Variants in RIN2 observed in about 807,000 individuals in gnomAD.
RIN2 encodes the protein Ras and Rab interactor 2.
A neutral mutation model predicts 78.0 loss-of-function variants in RIN2; 36 were observed. The observed-to-expected ratio is 0.46, with a 90% CI of 0.35 to 0.61. The LOEUF is 0.61. Ranked by LOEUF, RIN2 falls within the 20% of genes least tolerant of loss-of-function variation. The pLI, the probability that RIN2 is intolerant of heterozygous loss-of-function variation, is 0.00. For missense variants in RIN2, 1,087 were observed against 1,159.7 expected (o/e 0.94, Z 0.91); for synonymous variants, 466 against 466.8 (o/e 1.00, Z 0.02).
chr20:19,860,531 C>T (rs937000153), intron 2 of RIN2, among the ~76,000 whole-genome samples: 1 of 152,080 alleles, frequency 6.6e-6, no homozygotes, highest in Admixed American at 6.5e-5. Flanking sequence ...CCATGTTGGC[C>T]ATACTCGTCT....
chr20:19,974,081 C>T (rs1481415052), intron 8 of RIN2, among the ~76,000 whole-genome samples: 1 of 152,162 alleles, frequency 6.6e-6, no homozygotes, highest in Non-Finnish European at 1.5e-5. Flanking sequence ...TGATGGGACC[C>T]ATGAATGTAG....
intron 3 of RIN2, among the ~76,000 whole-genome samples, chr20:19,913,839 A>C (rs555180224): frequency 6.6e-6 from 1 of 152,208 alleles, no homozygotes; most frequent in African/African-American, 2.4e-5. Flanking sequence ...CCATCAGCGG[A>C]CACTGGGTGC....
intron 3 of RIN2, among the ~76,000 whole-genome samples, chr20:19,924,001 T>A (rs1272518467): frequency 7.8e-6 from 1 of 127,782 alleles, no homozygotes; most frequent in Non-Finnish European, 1.6e-5. Flanking sequence ...CCCACCTTTA[T>A]ACCCCCACCT....
chr20:19,851,320 T>C (rs969514342), intron 2 of RIN2, among the ~76,000 whole-genome samples: 1 of 151,956 alleles, frequency 6.6e-6, no homozygotes, highest in Non-Finnish European at 1.5e-5. Context: ...GGATTTGCAG[T>C]GTCAGGGGTT....
chr20:19,986,621 A>G (rs1016700389), intron 9 of RIN2, among the ~76,000 whole-genome samples: 1 of 152,124 alleles, frequency 6.6e-6, no homozygotes, highest in African/African-American at 2.4e-5. Flanking sequence ...CCAACTTGCT[A>G]GTAACGACTT....
intron 9 of RIN2, among the ~76,000 whole-genome samples, chr20:19,979,541 A>G (rs140683178): frequency 2.0e-5 from 3 of 152,308 alleles, no homozygotes; most frequent in African/African-American, 4.8e-5. Flanking sequence ...TATAGCGCAT[A>G]TAGAAAAGGT....
intron 2 of RIN2, among the ~76,000 whole-genome samples, chr20:19,814,131 A>G (rs972679082): frequency 6.6e-6 from 1 of 152,232 alleles, no homozygotes; most frequent in African/African-American, 2.4e-5. Flanking sequence ...TTATGTTCTT[A>G]CTGGCAAATG....
rs572587228 is a variant in RIN2 at position 19,896,392 on chromosome 20, G to A, written c.57+6734G>A. 5.9e-5 allele frequency among the ~76,000 whole-genome samples: 9 copies of A among 152,254 alleles called. No homozygotes were observed. In the East Asian group the frequency reaches 1.4e-3, roughly 23 times the overall value. Reference sequence around the variant, plus strand: ...TTTAGTAGAGGCGGGGTTTCTCCACGTTGGCCAGGCTGGCCTCCAACTCCT... The same window carrying A: ...TTTAGTAGAGGCGGGGTTTCTCCACATTGGCCAGGCTGGCCTCCAACTCCT... On this transcript the variant is annotated intron_variant, in intron 3 of 12. Coordinates refer to ENST00000255006, the MANE Select transcript of RIN2 (RefSeq NM_018993.4).
chr20:19,860,329 GT>G, intron 2 of RIN2, among the ~76,000 whole-genome samples: 1 of 139,264 alleles, frequency 7.2e-6, no homozygotes, highest in East Asian at 2.0e-4. Context: ...TTTGTTTTTT[GT>G]TTTTTTTCTG....
chr20:19,826,233 A>G (rs943133621), intron 2 of RIN2, among the ~76,000 whole-genome samples: 5 of 152,218 alleles, frequency 3.3e-5, no homozygotes, highest in African/African-American at 1.2e-4. Context: ...TTAGTAAACC[A>G]GGATTTTAAA....
intron 2 of RIN2, among the ~76,000 whole-genome samples, chr20:19,804,066 G>A (rs12479870): frequency 0.11 from 16,146 of 152,200 alleles, 916 homozygotes; most frequent in South Asian, 0.18. Flanking sequence ...AGACTTTGCT[G>A]AAGTTGCTTA....
chr20:19,964,269 TGAGA>T (rs1356586068), intron 6 of RIN2, among the ~76,000 whole-genome samples: 2 of 147,532 alleles, frequency 1.4e-5, no homozygotes, highest in African/African-American at 2.5e-5. Context: ...TAAAAAAAAG[TGAGA>T]GAGAGAGAAA....
rs976084471 is a variant in RIN2 at position 19,842,448 on chromosome 20, G to T, written c.-37+42701G>T. ...GTAGAGATGGGGTTTCGCCATGTTGGCCAGGCTGGTCTCGAACTCTGGACC... is the reference window on the plus strand; with the variant it reads ...GTAGAGATGGGGTTTCGCCATGTTGTCCAGGCTGGTCTCGAACTCTGGACC... On this transcript the variant is annotated intron_variant, in intron 2 of 12. Coordinates refer to ENST00000255006, the MANE Select transcript of RIN2 (RefSeq NM_018993.4). Among the ~76,000 whole-genome samples the T allele has an allele frequency of 6.5e-4, 76 of 116,904 alleles. 1 individual carries two copies. The highest frequency in any genetic ancestry group is 7.4e-4 in the Admixed American group (6 of 8,084). 76.7% of individuals were successfully genotyped at this position (116,904 alleles called of 152,430 possible).
intron 4 of RIN2, among the ~76,000 whole-genome samples, chr20:19,940,813 A>G (rs1035379163): frequency 2.6e-5 from 4 of 152,142 alleles, no homozygotes; most frequent in Non-Finnish European, 4.4e-5. Flanking sequence ...CCTCATCATC[A>G]CTTGAACCCA....
intron 2 of RIN2, chr20:19,872,049 G>A (rs2037706277): frequency 6.6e-6 from 1 of 152,084 alleles, no homozygotes; most frequent in African/African-American, 2.4e-5. Context: ...GGGAGCTGGT[G>A]GGAGGTTATT....
At chr20:19,763,145 G>A (rs552229767) in intron 1 of RIN2, among the ~76,000 whole-genome samples, 59 of 152,284 alleles carry the variant, frequency 3.9e-4, no homozygotes, top group Middle Eastern at 3.4e-3. Flanking sequence ...AGCACTATGG[G>A]AGGCTGAGGT....
intron 3 of RIN2, among the ~76,000 whole-genome samples, chr20:19,918,113 CTG>C (rs1568607599): frequency 6.6e-6 from 1 of 152,108 alleles, no homozygotes; most frequent in African/African-American, 2.4e-5. Context: ...GTGAATGTGA[CTG>C]TGACACCCAC....
chr20:19,914,002 C>T (rs555631704), intron 3 of RIN2, among the ~76,000 whole-genome samples: 2 of 152,122 alleles, frequency 1.3e-5, no homozygotes, highest in Non-Finnish European at 2.9e-5. Context: ...TGCACACGTG[C>T]GTTGTGATGG....
chr20:19,984,846 T>A (rs1279987171), intron 9 of RIN2, among the ~76,000 whole-genome samples: 4 of 152,188 alleles, frequency 2.6e-5, no homozygotes, highest in African/African-American at 9.7e-5. Flanking sequence ...TTATGAAGCA[T>A]GTGATTATAT....
Sources: gnomAD v4.1 joint callset for allele counts (sites outside exome capture counted in the v4.1 genomes callset) on GRCh38, gnomAD v4.1.1 for gene constraint, MANE v1.5 for transcripts, NCBI Gene and HGNC (gene_info 2026-07-23, HGNC 2026-07-21) for gene names.